Variants in VAMP7 observed in about 807,000 individuals in gnomAD.
VAMP7 encodes vesicle associated membrane protein 7.
Under a neutral mutation model 29.6 loss-of-function variants are expected in VAMP7, and 14 were observed. That is an observed-to-expected ratio of 0.47 (90% CI 0.31 to 0.74). VAMP7 has a LOEUF of 0.74. Among genes scored for constraint, VAMP7 ranks in the 30% least tolerant of loss-of-function variants. VAMP7 has a pLI of 0.05. For missense variants in VAMP7, 223 were observed against 262.4 expected (o/e 0.85, Z 1.04); for synonymous variants, 95 against 88.1 (o/e 1.08, Z -0.44).
intron 1 of VAMP7, among the ~76,000 whole-genome samples, chrX:155,883,073 A>G (rs1159952707): frequency 2.0e-5 from 3 of 152,154 alleles, no homozygotes; most frequent in South Asian, 4.1e-4. Flanking sequence ...CCATTGTTCT[A>G]TGGCTCCCTC....
At chrX:155,906,375 G>A (rs1408373488) in intron 5 of VAMP7, among the ~76,000 whole-genome samples, 3 of 152,050 alleles carry the variant, frequency 2.0e-5, no homozygotes, top group African/African-American at 7.2e-5. Context: ...CCCTCACTCT[G>A]TTCATTGGCC....
At chrX:155,899,980 C>G (rs980693094) in intron 4 of VAMP7, among the ~76,000 whole-genome samples, 1 of 151,986 alleles carries the variant, frequency 6.6e-6, no homozygotes, top group African/African-American at 2.4e-5. Flanking sequence ...TATATATTAT[C>G]AGTGTCTTAG....
chrX:155,915,661 T>C (rs1355256794), intron 5 of VAMP7, among the ~76,000 whole-genome samples: 1 of 152,202 alleles, frequency 6.6e-6, no homozygotes, highest in Non-Finnish European at 1.5e-5. Flanking sequence ...ATTTTCCATG[T>C]AGTTGTGCAG....
intron 6 of VAMP7, among the ~76,000 whole-genome samples, chrX:155,935,953 G>T (rs1385432123): frequency 1.3e-5 from 2 of 152,116 alleles, no homozygotes; most frequent in Admixed American, 1.3e-4. Flanking sequence ...GTTGGAGTTT[G>T]TCGGAGGGCC....
At chrX:155,913,307 TC>T (rs2066264836) in intron 5 of VAMP7, among the ~76,000 whole-genome samples, 2 of 152,286 alleles carry the variant, frequency 1.3e-5, no homozygotes, top group South Asian at 2.1e-4. Context: ...AAAAATTTTT[TC>T]CCATTCTGTA....
intron 5 of VAMP7, among the ~76,000 whole-genome samples, chrX:155,908,070 C>T (rs766093144): frequency 1.1e-4 from 16 of 151,968 alleles, no homozygotes; most frequent in African/African-American, 3.4e-4. Flanking sequence ...TCCTCACTTT[C>T]CAGACTGGGC....
intron 5 of VAMP7, among the ~76,000 whole-genome samples, chrX:155,901,484 A>G (rs2066061678): frequency 6.6e-6 from 1 of 152,020 alleles, no homozygotes; most frequent in Non-Finnish European, 1.5e-5. Flanking sequence ...CTCCTTTTAA[A>G]TGACTTATTT....
chrX:155,902,727 T>A (rs1181704073), intron 5 of VAMP7, among the ~76,000 whole-genome samples: 2 of 151,772 alleles, frequency 1.3e-5, no homozygotes, highest in Non-Finnish European at 2.9e-5. Context: ...GCCCACTTGA[T>A]CATGGTGGAT....
At chrX:155,938,515 A>G (rs2066695934) in intron 6 of VAMP7, among the ~76,000 whole-genome samples, 1 of 152,200 alleles carries the variant, frequency 6.6e-6, no homozygotes, top group African/African-American at 2.4e-5. Flanking sequence ...TGTTTTCACA[A>G]AGTAAACATA....
At chrX:155,915,303 CAA>C (rs2066295965) in intron 5 of VAMP7, among the ~76,000 whole-genome samples, 1 of 151,904 alleles carries the variant, frequency 6.6e-6, no homozygotes, top group East Asian at 1.9e-4. Flanking sequence ...TTAATCTTTT[CAA>C]AAAACCAGCT....
chrX:155,896,671 A>G lies in VAMP7; in HGVS notation c.204+991A>G, dbSNP rs774429134. On this transcript the variant is annotated intron_variant, in intron 3 of 7. Transcript: ENST00000286448. ...GAGTGTCTTATTGTAGGAATGAGGAAGCTTTTCCCAGCTGCATGCCCTCCC... is the reference window on the plus strand; with the variant it reads ...GAGTGTCTTATTGTAGGAATGAGGAGGCTTTTCCCAGCTGCATGCCCTCCC... Among the ~76,000 whole-genome samples the G allele has an allele frequency of 3.9e-5, 6 of 152,208 alleles. No individual in the cohort carries two copies. The South Asian group carries it at 1.2e-3, about 32-fold the overall frequency.
intron 6 of VAMP7, among the ~76,000 whole-genome samples, chrX:155,938,650 A>T (rs2066698043): frequency 6.6e-6 from 1 of 152,032 alleles, no homozygotes; most frequent in Non-Finnish European, 1.5e-5. Flanking sequence ...CTCCACATAG[A>T]TTAATAAAAC....
chrX:155,935,193 T>C (rs1167556929), intron 6 of VAMP7, among the ~76,000 whole-genome samples: 1 of 152,084 alleles, frequency 6.6e-6, no homozygotes, highest in African/African-American at 2.4e-5. Flanking sequence ...GTTGCTCTTC[T>C]CGAGGAGTAT....
At chrX:155,908,175 G>GTA (rs1233377709) in intron 5 of VAMP7, among the ~76,000 whole-genome samples, 1 of 152,246 alleles carries the variant, frequency 6.6e-6, no homozygotes, top group East Asian at 1.9e-4. Flanking sequence ...GGCAGAGGCT[G>GTA]CAATCTCGGC....
At chrX:155,908,131 G>A (rs2066176647) in intron 5 of VAMP7, among the ~76,000 whole-genome samples, 1 of 152,194 alleles carries the variant, frequency 6.6e-6, no homozygotes, top group East Asian at 1.9e-4. Context: ...CCCAGGCAGA[G>A]ACGCTCCTCA....
At chrX:155,901,068 T>C in intron 5 of VAMP7, among the ~76,000 whole-genome samples, 1 of 152,160 alleles carries the variant, frequency 6.6e-6, no homozygotes, top group African/African-American at 2.4e-5. Flanking sequence ...AACAGTATGC[T>C]TAGAGACTTA....
intron 2 of VAMP7, among the ~76,000 whole-genome samples, 175 bp from the exon 3 acceptor site, chrX:155,895,448 C>T (rs2065975092): frequency 1.3e-5 from 2 of 152,112 alleles, no homozygotes; most frequent in South Asian, 4.1e-4. Flanking sequence ...GTACTTCTAT[C>T]AGTTTGACTT....
At chrX:155,921,902 A>C (rs1362600671) in intron 6 of VAMP7, among the ~76,000 whole-genome samples, 1 of 151,964 alleles carries the variant, frequency 6.6e-6, no homozygotes, top group Non-Finnish European at 1.5e-5. Context: ...ACTTTAGGGG[A>C]CATTGGTATC....
At chrX:155,920,729 C>A (rs1883051) in intron 6 of VAMP7, among the ~76,000 whole-genome samples, 91,800 of 151,892 alleles carry the variant, frequency 0.6, 27,842 homozygotes, top group East Asian at 0.67. Context: ...TGAAGATGTA[C>A]CCACTTCAGA....
Sources: allele counts gnomAD v4.1 joint callset (sites outside exome capture counted in the v4.1 genomes callset), GRCh38; gene constraint gnomAD v4.1.1; transcripts MANE v1.5; gene names NCBI Gene and HGNC (gene_info 2026-07-23, HGNC 2026-07-21).